Variants in NPSR1 observed in about 807,000 individuals in gnomAD.
NPSR1 encodes neuropeptide S receptor 1, also known as neuropeptide S receptor.
In NPSR1, 48 loss-of-function variants were observed where a neutral mutation model predicts 46.9. The observed-to-expected ratio is 1.02, with a 90% CI of 0.81 to 1.30. The LOEUF (loss-of-function observed/expected upper bound fraction) is 1.30, where lower values mean the gene tolerates loss of function less well. Among genes scored for constraint, NPSR1 ranks in the 50% most tolerant of loss-of-function variants. The pLI is 0.00. For synonymous variants in NPSR1, 176 were observed against 168.1 expected, an observed-to-expected ratio of 1.05 and a Z score of -0.36; for missense variants, 450 against 449.5, an observed-to-expected ratio of 1.00 and a Z score of -0.01.
chr7:34,698,970 C>T (rs111339825), intron 2 of NPSR1, among the ~76,000 whole-genome samples: 12 of 152,104 alleles, frequency 7.9e-5, no homozygotes, highest in Middle Eastern at 3.4e-3. Context: ...CCATATAACC[C>T]GAAATCTTCA....
intron 1 of NPSR1, among the ~76,000 whole-genome samples, chr7:34,677,948 C>T (rs1792402447): frequency 6.6e-6 from 1 of 152,204 alleles, no homozygotes; most frequent in African/African-American, 2.4e-5. Flanking sequence ...GGAAAACAGT[C>T]CTGTATCTAC....
chr7:34,693,359 T>C (rs1793360444), intron 2 of NPSR1, among the ~76,000 whole-genome samples: 1 of 152,158 alleles, frequency 6.6e-6, no homozygotes, highest in Non-Finnish European at 1.5e-5. Flanking sequence ...GAGATGACTA[T>C]GAACACCTCT....
intron 3 of NPSR1, among the ~76,000 whole-genome samples, chr7:34,802,025 T>C (rs1416909190): frequency 1.3e-5 from 2 of 149,182 alleles, no homozygotes; most frequent in African/African-American, 2.6e-5. Flanking sequence ...GAAGGACCTC[T>C]TCAAGGAGAA....
At chr7:34,837,397 C>A (rs1238490367) in intron 6 of NPSR1, among the ~76,000 whole-genome samples, 2 of 152,242 alleles carry the variant, frequency 1.3e-5, no homozygotes, top group African/African-American at 4.8e-5. Context: ...CATCTCAACA[C>A]AGACAGACAA....
chr7:34,859,983 G>A (rs1483530752), intron 8 of NPSR1, among the ~76,000 whole-genome samples: 1 of 151,774 alleles, frequency 6.6e-6, no homozygotes, highest in Non-Finnish European at 1.5e-5. Flanking sequence ...GTTATCTCCT[G>A]AGTCCAACTT....
chr7:34,802,110 G>A lies in NPSR1; in HGVS notation c.385-9660G>A, dbSNP rs1437300521. 2.0e-5 allele frequency among the ~76,000 whole-genome samples: 3 copies of A among 150,122 alleles called. 1 individual carries two copies. Among genetic ancestry groups the A allele is most frequent in the African/African-American group, 7.6e-5 (3 of 39,494 alleles). ...AACATTCCATGCTCATGGGTAGGAA[G>A]AATCAATATCGTGAAAATGCCCATA... On this transcript the variant is annotated intron_variant, in intron 3 of 8. Coordinates refer to ENST00000360581, the MANE Select transcript of NPSR1 (RefSeq NM_207172.2).
chr7:34,823,639 G>C (rs2128754595), intron 4 of NPSR1, among the ~76,000 whole-genome samples: 1 of 152,096 alleles, frequency 6.6e-6, no homozygotes, highest in Non-Finnish European at 1.5e-5. Flanking sequence ...AACAATATTT[G>C]TCAAAATTTA....
chr7:34,673,450 C>A (rs1792159782), intron 1 of NPSR1, among the ~76,000 whole-genome samples: 1 of 152,180 alleles, frequency 6.6e-6, no homozygotes, highest in South Asian at 2.1e-4. Context: ...CCAAGGCTCT[C>A]TCCTCTGGAT....
chr7:34,836,634 A>G lies in NPSR1; in HGVS notation c.757+2174A>G, dbSNP rs533120230. On this transcript the variant is annotated intron_variant, in intron 6 of 8. Coordinates refer to ENST00000360581, the MANE Select transcript of NPSR1 (RefSeq NM_207172.2). ...AGAGTGAGGAAAGAAAAGAAGAAAG[A>G]AAGAAAGAAAGAGAAAGAAAGACAG... 9.2e-5 allele frequency among the ~76,000 whole-genome samples: 14 copies of G among 151,692 alleles called. No individual in the cohort carries two copies. In the South Asian group the frequency reaches 2.7e-3, roughly 30 times the overall value.
chr7:34,840,132 T>C (rs1382709740), intron 6 of NPSR1, among the ~76,000 whole-genome samples: 1 of 152,098 alleles, frequency 6.6e-6, no homozygotes, highest in Non-Finnish European at 1.5e-5. Flanking sequence ...GGCTCTGGGC[T>C]AAAAACCTCC....
At position 34,658,497 on chromosome 7, in the gene NPSR1, A is replaced by T; in HGVS notation, c.85A>T (p.Thr29Ser). The T allele has an allele frequency of 6.2e-7, 1 of 1,614,154 alleles. No homozygotes were observed. The highest frequency in any genetic ancestry group is 8.5e-7 in the Non-Finnish European group (1 of 1,179,978). The change falls in exon 1 of 9, where the codon ACA becomes TCA. Residue 29 changes from threonine (T) to serine (S), a missense_variant. By Grantham distance (58) the Thr-to-Ser change is moderately conservative. Transcript: ENST00000360581. ...LDSSPVACTE[T>S]VTFTEVVEGK... The stretch of plus-strand genomic sequence containing the variant: ...TTCTTCCCCAGTGGCTTGCACTGAA[A>T]CAGTGACTTTTACTGAAGTGGTGGA...
At chr7:34,668,370 C>T (rs2128672658) in intron 1 of NPSR1, among the ~76,000 whole-genome samples, 1 of 152,276 alleles carries the variant, frequency 6.6e-6, no homozygotes, top group African/African-American at 2.4e-5. Context: ...ACATTTATTC[C>T]TTTTCCAATG....
intron 3 of NPSR1, among the ~76,000 whole-genome samples, chr7:34,809,838 G>A (rs1246963387): frequency 6.6e-6 from 1 of 152,062 alleles, no homozygotes; most frequent in East Asian, 1.9e-4. Context: ...ATGTATCTGT[G>A]TGTTCTCATC....
chr7:34,760,037 A>G (rs1406965456), intron 2 of NPSR1, among the ~76,000 whole-genome samples: 1 of 152,218 alleles, frequency 6.6e-6, no homozygotes, highest in Non-Finnish European at 1.5e-5. Context: ...CTGTTTCCAT[A>G]GTGAGAATCT....
chr7:34,798,275 CT>C (rs1788279510), intron 3 of NPSR1, among the ~76,000 whole-genome samples: 1 of 152,136 alleles, frequency 6.6e-6, no homozygotes, highest in Non-Finnish European at 1.5e-5. Flanking sequence ...TGGCCCATGC[CT>C]GTAATCCCAG....
rs869170591 is a variant in NPSR1, at chr7:34,689,604, C to CAA, written c.280+4949_280+4950dup. Among the ~76,000 whole-genome samples, 20 of 36,680 alleles carry CAA rather than the reference C, an allele frequency of 5.5e-4. 1 individual carries two copies. Among genetic ancestry groups the CAA allele is most frequent in the African/African-American group, 7.3e-4 (7 of 9,642 alleles). 24.1% of individuals were successfully genotyped at this position (36,680 alleles called of 152,430 possible). A position where few individuals can be genotyped will look rare whatever the true frequency, so the allele number is the denominator to read the frequency against. ...TGGATGACAGAGCCAGACTCTGTCT[C>CAA]AAAAAAAAAAAAAAAAAAAAAAAAA... On this transcript the variant is annotated intron_variant, in intron 2 of 8. Coordinates refer to ENST00000360581, the MANE Select transcript of NPSR1 (RefSeq NM_207172.2).
At chr7:34,812,199 C>A (rs1789019136) in intron 4 of NPSR1, among the ~76,000 whole-genome samples, 2 of 152,152 alleles carry the variant, frequency 1.3e-5, no homozygotes, top group African/African-American at 4.8e-5. Flanking sequence ...TGTTGACATG[C>A]ATACCTGTCC....
rs192638889 is a variant in NPSR1, at chr7:34,798,457, C to A, written c.385-13313C>A. On this transcript the variant is annotated intron_variant, in intron 3 of 8. Coordinates refer to ENST00000360581, the MANE Select transcript of NPSR1 (RefSeq NM_207172.2). ...GGCTGAAGCAGGAGAATCTCTTGAA[C>A]CCGGAAGGCGAAGGTTGCAGTGATC... Among the ~76,000 whole-genome samples the A allele has an allele frequency of 3.4e-3, 522 of 152,240 alleles. 3 individuals carry two copies. Among genetic ancestry groups the A allele is most frequent in the African/African-American group, 0.012 (506 of 41,544 alleles).
At chr7:34,732,857 C>G (rs1415379695) in intron 2 of NPSR1, among the ~76,000 whole-genome samples, 1 of 152,098 alleles carries the variant, frequency 6.6e-6, no homozygotes, top group Non-Finnish European at 1.5e-5. Flanking sequence ...CAAAGGGGTG[C>G]TAATTCCTAA....
Sources: allele counts gnomAD v4.1 joint callset (sites outside exome capture counted in the v4.1 genomes callset), GRCh38; gene constraint gnomAD v4.1.1; transcripts MANE v1.5; gene names NCBI Gene and HGNC (gene_info 2026-07-23, HGNC 2026-07-21).